SDK1: variants seen among roughly 807,000 people sequenced by gnomAD.
SDK1 encodes the protein sidekick cell adhesion molecule 1, also known as protein sidekick-1.
SDK1 carries 157 observed loss-of-function variants against 245.5 expected under a neutral mutation model. The observed-to-expected ratio is 0.64, with a 90% confidence interval of 0.56 to 0.73. The LOEUF (loss-of-function observed/expected upper bound fraction) is 0.73. Ranked by LOEUF, SDK1 falls within the 30% of genes least tolerant of loss-of-function variation. The pLI, the probability that SDK1 is intolerant of heterozygous loss-of-function variation, is 0.00. For missense variants in SDK1, 3,583 were observed against 3,002.3 expected, an observed-to-expected ratio of 1.19 and a Z score of -4.52; for synonymous variants, 1,647 against 1,278.5, an observed-to-expected ratio of 1.29 and a Z score of -6.15.
intron 1 of SDK1, among the ~76,000 whole-genome samples, chr7:3,602,107 T>G (rs1210301919): frequency 6.6e-6 from 1 of 152,022 alleles, no homozygotes; most frequent in Non-Finnish European, 1.5e-5. Flanking sequence ...TTCCAAGTCT[T>G]TGCTGTTGTG....
intron 19 of SDK1, among the ~76,000 whole-genome samples, chr7:4,063,927 C>G (rs1004429277): frequency 6.6e-6 from 1 of 152,060 alleles, no homozygotes; most frequent in Non-Finnish European, 1.5e-5. Context: ...TAAAAAATAA[C>G]TCAAGATGGA....
chr7:3,747,845 G>C (rs1005740180), intron 4 of SDK1, among the ~76,000 whole-genome samples: 2 of 152,094 alleles, frequency 1.3e-5, no homozygotes, highest in South Asian at 4.1e-4. Context: ...CAGGGAGGCT[G>C]GAGGCTGGAG....
chr7:3,888,655 T>A (rs1781390814), intron 5 of SDK1, among the ~76,000 whole-genome samples: 1 of 152,320 alleles, frequency 6.6e-6, no homozygotes, highest in Non-Finnish European at 1.5e-5. Flanking sequence ...TAGGATCTTA[T>A]AATTTAGTAC....
At chr7:3,440,826 G>C (rs1464901352) in intron 1 of SDK1, among the ~76,000 whole-genome samples, 2 of 152,146 alleles carry the variant, frequency 1.3e-5, no homozygotes, top group African/African-American at 4.8e-5. Context: ...TGTGTATTAA[G>C]TGCTTAGTTA....
chr7:3,512,801 T>C (rs1173189758), intron 1 of SDK1, among the ~76,000 whole-genome samples: 8 of 152,206 alleles, frequency 5.3e-5, no homozygotes, highest in South Asian at 4.1e-4. Context: ...GGGGTAAATA[T>C]TCCATCTGTT....
Position 3,753,442 on chromosome 7 carries a change from G to A in SDK1, c.714-68008G>A, listed in dbSNP as rs544821070. 7.2e-4 allele frequency among the ~76,000 whole-genome samples: 110 copies of A among 152,204 alleles called. 1 individual carries two copies. The highest frequency in any genetic ancestry group is 2.3e-3 in the African/African-American group (95 of 41,522). ...TACAAAACAAGAGAAGATCATTTTT[G>A]AGCTTAATATTAGAACCAAAAAGAG... On this transcript the variant is annotated intron_variant, in intron 4 of 44. Coordinates refer to ENST00000404826, the MANE Select transcript of SDK1 (RefSeq NM_152744.4).
intron 4 of SDK1, among the ~76,000 whole-genome samples, chr7:3,801,322 A>C (rs938676836): frequency 6.6e-6 from 1 of 152,188 alleles, no homozygotes; most frequent in Non-Finnish European, 1.5e-5. Context: ...AGCATAGTGC[A>C]TATAATTTAT....
intron 1 of SDK1, among the ~76,000 whole-genome samples, chr7:3,315,710 T>C (rs1374508676): frequency 1.3e-5 from 2 of 152,194 alleles, no homozygotes; most frequent in Non-Finnish European, 2.9e-5. Flanking sequence ...TTTTAAAAAT[T>C]ATGAAAGCAA....
chr7:4,129,130 C>A, intron 26 of SDK1, among the ~76,000 whole-genome samples: 1 of 136,998 alleles, frequency 7.3e-6, no homozygotes. Flanking sequence ...GGGTGGGGTC[C>A]CCTGGAGGAG....
chr7:3,418,098 C>T (rs1211880486), intron 1 of SDK1, among the ~76,000 whole-genome samples: 1 of 136,624 alleles, frequency 7.3e-6, no homozygotes, highest in Non-Finnish European at 1.5e-5. Flanking sequence ...GTCAGGAATT[C>T]AAGACCAGCC....
chr7:3,521,505 C>G (rs151094539), intron 1 of SDK1, among the ~76,000 whole-genome samples: 91 of 152,066 alleles, frequency 6.0e-4, no homozygotes, highest in African/African-American at 2.0e-3. Context: ...TCCTGACACA[C>G]GAGTTGGTAA....
At chr7:3,434,964 AT>A (rs1310604520) in intron 1 of SDK1, among the ~76,000 whole-genome samples, 1 of 152,154 alleles carries the variant, frequency 6.6e-6, no homozygotes, top group Non-Finnish European at 1.5e-5. Context: ...ATGAAGTAAA[AT>A]TTTACAACAA....
intron 1 of SDK1, among the ~76,000 whole-genome samples, chr7:3,382,567 TA>T (rs1781514426): frequency 6.6e-6 from 1 of 152,232 alleles, no homozygotes; most frequent in African/African-American, 2.4e-5. Flanking sequence ...TTGATTGCCA[TA>T]ATCTGTTGTA....
At chr7:3,856,979 C>T (rs1562493980) in intron 5 of SDK1, among the ~76,000 whole-genome samples, 2 of 152,004 alleles carry the variant, frequency 1.3e-5, no homozygotes, top group East Asian at 3.9e-4. Flanking sequence ...AAGGCTCTAC[C>T]AAGAAATTAC....
intron 14 of SDK1, among the ~76,000 whole-genome samples, chr7:4,006,444 C>G (rs1046098435): frequency 6.6e-6 from 1 of 152,210 alleles, no homozygotes; most frequent in Non-Finnish European, 1.5e-5. Flanking sequence ...AGACAAGCAT[C>G]CTGTGGCCCT....
chr7:3,660,753 G>A (rs1251758191), intron 4 of SDK1, among the ~76,000 whole-genome samples: 2 of 152,220 alleles, frequency 1.3e-5, no homozygotes, highest in African/African-American at 4.8e-5. Flanking sequence ...CTTTGTCATC[G>A]CTGACGGAAC....
At chr7:3,840,736 G>A (rs1235791515) in intron 5 of SDK1, among the ~76,000 whole-genome samples, 1 of 152,248 alleles carries the variant, frequency 6.6e-6, no homozygotes, top group Non-Finnish European at 1.5e-5. Flanking sequence ...CTACTCAGAA[G>A]GTTTATGGCA....
At position 4,265,603 on chromosome 7, in the gene SDK1, TTTTTC is replaced by T; in HGVS notation, c.*229_*233del. ...TCGCTGCAGGAAGCAGGTTTGTTTC[TTTTTC>T]TTTTCTTTTTAAGAGAAGGTGTATT... is the stretch of plus-strand genomic sequence containing the variant. On this transcript the variant is annotated 3_prime_UTR_variant, in exon 45 of 45. Coordinates refer to ENST00000404826, the MANE Select transcript of SDK1 (RefSeq NM_152744.4). The T allele has an allele frequency of 7.5e-7, 1 of 1,336,310 alleles. No homozygotes were observed. The highest frequency in any genetic ancestry group is 9.5e-7 in the Non-Finnish European group (1 of 1,052,834). The allele number at this position is 1,336,310 out of a possible 1,614,324, so 82.8% of individuals were successfully genotyped here.
intron 5 of SDK1, among the ~76,000 whole-genome samples, chr7:3,924,867 A>G (rs1001955960): frequency 1.2e-4 from 19 of 152,020 alleles, no homozygotes; most frequent in African/African-American, 3.9e-4. Context: ...TGCTGCCTTC[A>G]TGGTGGACGA....
Sources: allele counts gnomAD v4.1 joint callset (sites outside exome capture counted in the v4.1 genomes callset), GRCh38; gene constraint gnomAD v4.1.1; transcripts MANE v1.5; gene names NCBI Gene and HGNC (gene_info 2026-07-23, HGNC 2026-07-21).